The following CAP2 variants were observed in gnomAD, a reference collection of about 807,000 sequenced individuals.
The protein encoded by CAP2 is adenylyl cyclase-associated protein 2.
CAP2 carries 24 observed loss-of-function variants against 57.7 expected under a neutral mutation model. The ratio of observed to expected loss-of-function variants is 0.42; its 90% CI spans 0.30 to 0.58. The LOEUF is 0.58. CAP2 is among the 20% of genes least tolerant of loss of function. The pLI, the probability that CAP2 is intolerant of heterozygous loss-of-function variation, is 0.22. For synonymous variants in CAP2, 194 were observed against 207.2 expected, an observed-to-expected ratio of 0.94 and a Z score of 0.55; for missense variants, 501 against 590.3, an observed-to-expected ratio of 0.85 and a Z score of 1.57.
chr6:17,426,596 C>T lies in CAP2; in HGVS notation c.128C>T (p.Ala43Val), dbSNP rs1479032296. ...GEVNGVIAGVAPSVEAFDKLM... is the reference protein window; with the variant it reads ...GEVNGVIAGVVPSVEAFDKLM... The stretch of plus-strand genomic sequence containing the variant: ...AACTGCTCCTTTCCCCAAGGTGTGG[C>T]ACCCTCCGTGGAAGCCTTTGACAAG... The change falls in exon 3 of 13, where the codon GCA becomes GTA. Residue 43 changes from alanine (A) to valine (V), a missense_variant. Physicochemically the swap from Ala to Val is moderately conservative, Grantham distance 64. Transcript: ENST00000229922. 1 of 1,612,414 alleles carries T rather than the reference C, an allele frequency of 6.2e-7. No individual in the cohort carries two copies.
chr6:17,510,871 C>A (rs1050078866), intron 6 of CAP2, among the ~76,000 whole-genome samples: 1 of 152,206 alleles, frequency 6.6e-6, no homozygotes, highest in Admixed American at 6.5e-5. Context: ...TAATTAGTAT[C>A]TCAGTTCATC....
rs989016282 is a variant in CAP2, at chr6:17,557,621, T to A, written c.*1179T>A. 6.6e-5 allele frequency: 10 copies of A among 152,248 alleles called. No individual in the cohort carries two copies. Among genetic ancestry groups the A allele is most frequent in the African/African-American group, 2.4e-4 (10 of 41,470 alleles). 9.4% of individuals were successfully genotyped at this position (152,248 alleles called of 1,614,324 possible). A position where few individuals can be genotyped will look rare whatever the true frequency, so the allele number is the denominator to read the frequency against. ...TTTGGAATACATTGTTTCCATTTTT[T>A]AAATATCTTCTATATCCATATAGTA... On this transcript the variant is annotated 3_prime_UTR_variant, in exon 13 of 13. Coordinates refer to ENST00000229922, the MANE Select transcript of CAP2 (RefSeq NM_006366.3).
chr6:17,451,841 A>G (rs1489080472), intron 3 of CAP2, among the ~76,000 whole-genome samples: 1 of 145,642 alleles, frequency 6.9e-6, no homozygotes. Context: ...AAAATTGTGT[A>G]ATAAGTTTCT....
At chr6:17,491,905 A>G (rs181264790) in intron 4 of CAP2, among the ~76,000 whole-genome samples, 1 of 152,354 alleles carries the variant, frequency 6.6e-6, no homozygotes, top group East Asian at 1.9e-4. Context: ...TGATCTTAAG[A>G]TGATAGTCAT....
At chr6:17,522,665 G>A (rs1246635970) in intron 7 of CAP2, among the ~76,000 whole-genome samples, 3 of 152,216 alleles carry the variant, frequency 2.0e-5, no homozygotes, top group Admixed American at 1.3e-4. Flanking sequence ...TGGTGGTTTT[G>A]CAGAGCTGAA....
In CAP2 at chr6:17,529,438, G is replaced by A. The variant is rs562104049; in HGVS notation, c.637-9831G>A. Among the ~76,000 whole-genome samples the A allele has an allele frequency of 5.0e-3, 758 of 151,986 alleles. 7 individuals are homozygous for A. The highest frequency in any genetic ancestry group is 0.017 in the African/African-American group (700 of 41,442). On this transcript the variant is annotated intron_variant, in intron 7 of 12. Coordinates refer to ENST00000229922, the MANE Select transcript of CAP2 (RefSeq NM_006366.3). ...AGGCGGATCACGAGGTCAGGAGATC[G>A]AGACCATCCTGGCTAACATGGTAAA... is the stretch of plus-strand genomic sequence containing the variant.
At chr6:17,454,651 C>T (rs1581532710) in intron 3 of CAP2, among the ~76,000 whole-genome samples, 1 of 152,206 alleles carries the variant, frequency 6.6e-6, no homozygotes, top group Non-Finnish European at 1.5e-5. Context: ...CTTAACTCTG[C>T]TCACTTGTCT....
At position 17,528,735 on chromosome 6, in the gene CAP2, C is replaced by T. The variant is rs150854460; in HGVS notation, c.637-10534C>T. Among the ~76,000 whole-genome samples, 4 of 152,150 alleles carry T rather than the reference C, an allele frequency of 2.6e-5. No individual in the cohort carries two copies. The South Asian group carries it at 6.2e-4, about 24-fold the overall frequency. Reference sequence around the variant, plus strand: ...TTTTATTTTGACTGTATTTAAGTACCGTTAGTACTTTCATGGAAATCTGAA... The same window carrying T: ...TTTTATTTTGACTGTATTTAAGTACTGTTAGTACTTTCATGGAAATCTGAA... On this transcript the variant is annotated intron_variant, in intron 7 of 12. Transcript: ENST00000229922.
At chr6:17,407,047 C>T (rs1482844599) in intron 1 of CAP2, among the ~76,000 whole-genome samples, 4 of 152,158 alleles carry the variant, frequency 2.6e-5, no homozygotes, top group African/African-American at 9.7e-5. Flanking sequence ...CAGATAGTTG[C>T]CTTTTGTATT....
chr6:17,503,063 A>G (rs1761869376), intron 4 of CAP2, among the ~76,000 whole-genome samples: 4 of 152,192 alleles, frequency 2.6e-5, no homozygotes, highest in Admixed American at 6.5e-5. Context: ...ATTTGGGGCC[A>G]GGAGTGTTTA....
intron 3 of CAP2, among the ~76,000 whole-genome samples, chr6:17,439,823 T>A (rs1760021720): frequency 6.6e-6 from 1 of 151,400 alleles, no homozygotes; most frequent in African/African-American, 2.5e-5. Context: ...GAAGCTCCAG[T>A]CACTTGCTTG....
Position 17,525,062 on chromosome 6 carries a change from AC to A in CAP2, c.636+11109del, listed in dbSNP as rs1237992165. Among the ~76,000 whole-genome samples, 4 of 151,504 alleles carry A rather than the reference AC, an allele frequency of 2.6e-5. No homozygotes were observed. In the East Asian group the frequency reaches 7.7e-4, roughly 29 times the overall value. On this transcript the variant is annotated intron_variant, in intron 7 of 12. Coordinates refer to ENST00000229922, the MANE Select transcript of CAP2 (RefSeq NM_006366.3). ...CAGGTGCGCGCCACCACACCTGGCTACTTTTTGTACTTTTTTTAAAAATAGA... is the reference window on the plus strand; with the variant it reads ...CAGGTGCGCGCCACCACACCTGGCTATTTTTGTACTTTTTTTAAAAATAGA...
intron 3 of CAP2, among the ~76,000 whole-genome samples, chr6:17,436,444 A>T (rs2113555210): frequency 6.6e-6 from 1 of 152,142 alleles, no homozygotes; most frequent in South Asian, 2.1e-4. Flanking sequence ...AAACAAGGGA[A>T]TTTGAGGAGA....
intron 4 of CAP2, among the ~76,000 whole-genome samples, chr6:17,490,313 G>A (rs1263945312): frequency 6.6e-6 from 1 of 152,168 alleles, no homozygotes; most frequent in Non-Finnish European, 1.5e-5. Context: ...CACATCTGTG[G>A]CTATCTCTTT....
chr6:17,460,570 A>G (rs1207531723), intron 3 of CAP2, among the ~76,000 whole-genome samples: 1 of 152,218 alleles, frequency 6.6e-6, no homozygotes, highest in East Asian at 1.9e-4. Flanking sequence ...AGTCAATACT[A>G]TCTAGAATTA....
At chr6:17,409,052 C>G (rs1257181468) in intron 1 of CAP2, among the ~76,000 whole-genome samples, 1 of 150,426 alleles carries the variant, frequency 6.6e-6, no homozygotes, top group Non-Finnish European at 1.5e-5. Flanking sequence ...TTGCAGTGTG[C>G]TTGTTCTGTG....
At chr6:17,536,311 C>T (rs1234743048) in intron 7 of CAP2, 1 of 456,600 alleles carries the variant, frequency 2.2e-6, no homozygotes, top group African/African-American at 2.0e-5. Flanking sequence ...AAGGGAACAT[C>T]TAATCAGTTT....
chr6:17,527,636 G>A lies in CAP2; in HGVS notation c.637-11633G>A, dbSNP rs138783030. ...TTTTGAGACAAAGTCTTGCTCTGTC[G>A]CCCAGGCTGGAGTGCAGTGGCACGA... On this transcript the variant is annotated intron_variant, in intron 7 of 12. Coordinates refer to ENST00000229922, the MANE Select transcript of CAP2 (RefSeq NM_006366.3). Among the ~76,000 whole-genome samples the A allele has an allele frequency of 4.7e-3, 601 of 127,862 alleles. 7 individuals carry two copies. Among genetic ancestry groups the A allele is most frequent in the African/African-American group, 0.018 (578 of 32,838 alleles). 83.9% of individuals were successfully genotyped at this position (127,862 alleles called of 152,430 possible). A position where few individuals can be genotyped will look rare whatever the true frequency, so the allele number is the denominator to read the frequency against.
At chr6:17,399,984 G>C (rs1581484361) in intron 1 of CAP2, among the ~76,000 whole-genome samples, 1 of 152,250 alleles carries the variant, frequency 6.6e-6, no homozygotes, top group East Asian at 1.9e-4. Context: ...CACTTTGGGA[G>C]GCCAAGGCGG....
Sources: gnomAD v4.1 joint callset for allele counts (sites outside exome capture counted in the v4.1 genomes callset) on GRCh38, gnomAD v4.1.1 for gene constraint, MANE v1.5 for transcripts, NCBI Gene and HGNC (gene_info 2026-07-23, HGNC 2026-07-21) for gene names.